FREM1: variants seen among roughly 807,000 people sequenced by gnomAD.
FREM1 encodes FRAS1 related extracellular matrix 1, also known as FRAS1-related extracellular matrix protein 1.
Under a neutral mutation model 210.1 loss-of-function variants are expected in FREM1, and 220 were observed. The observed-to-expected ratio is 1.05, with a 90% CI of 0.94 to 1.17. FREM1 has a LOEUF of 1.17. Among genes scored for constraint, FREM1 ranks in the 50% most tolerant of loss-of-function variants. FREM1 has a pLI of 0.00. For missense variants in FREM1, 3,454 were observed against 2,675.5 expected, an observed-to-expected ratio of 1.29 and a Z score of -6.42; for synonymous variants, 1,189 against 980.2, an observed-to-expected ratio of 1.21 and a Z score of -3.98.
intron 5 of FREM1, 64 bp downstream of exon 5, chr9:14,857,489 G>C (rs2131523787): frequency 7.4e-7 from 1 of 1,350,490 alleles, no homozygotes; most frequent in Admixed American, 1.7e-5. Context: ...GCATGAGTAA[G>C]CCTGTGTAAC....
At chr9:14,863,038 A>T (rs542016412) in intron 3 of FREM1, among the ~76,000 whole-genome samples, 1 of 152,096 alleles carries the variant, frequency 6.6e-6, no homozygotes, top group South Asian at 2.1e-4. Context: ...TTAACTCCAT[A>T]GTTGATTTTT....
chr9:14,869,705 TA>T (rs1274295825), intron 1 of FREM1, among the ~76,000 whole-genome samples: 1 of 152,216 alleles, frequency 6.6e-6, no homozygotes, highest in South Asian at 2.1e-4. Context: ...GCTACTTGGA[TA>T]AGAAAGAAGT....
chr9:14,789,714 A>G (rs909037651), intron 22 of FREM1, among the ~76,000 whole-genome samples: 5 of 152,202 alleles, frequency 3.3e-5, no homozygotes, highest in Non-Finnish European at 5.9e-5. Context: ...AATATCGTAT[A>G]TTGTTTTTAT....
At position 14,858,482 on chromosome 9, in the gene FREM1, G is replaced by T. The variant is rs184079270; in HGVS notation, c.631+701C>A. Among the ~76,000 whole-genome samples, 857 of 149,960 alleles carry T rather than the reference G, an allele frequency of 5.7e-3. 7 individuals carry two copies. Among genetic ancestry groups the T allele is most frequent in the African/African-American group, 0.02 (806 of 40,646 alleles). ...CCCAAAGTGCTGGGATTATAGGTGT[G>T]AGCCACCATGCCCAGCCACCCACTT... is the stretch of plus-strand genomic sequence containing the variant. On this transcript the variant is annotated intron_variant, in intron 4 of 36. Transcript: ENST00000380880.
chr9:14,902,962 ATTGCAGTG>A (rs1839044169), intron 1 of FREM1, among the ~76,000 whole-genome samples: 1 of 152,214 alleles, frequency 6.6e-6, no homozygotes, highest in Admixed American at 6.5e-5. Flanking sequence ...TAGGATATAA[ATTGCAGTG>A]TTAAACTCTT....
At chr9:14,897,101 T>C (rs1009266639) in intron 1 of FREM1, among the ~76,000 whole-genome samples, 1 of 152,162 alleles carries the variant, frequency 6.6e-6, no homozygotes, top group Non-Finnish European at 1.5e-5. Context: ...TTACAGTATA[T>C]GAAAAATCAT....
chr9:14,896,342 G>A (rs1328063006), intron 1 of FREM1, among the ~76,000 whole-genome samples: 2 of 152,194 alleles, frequency 1.3e-5, no homozygotes, highest in East Asian at 1.9e-4. Context: ...TCAGGAGTTC[G>A]AGACCAGCCT....
At chr9:14,810,412 G>A (rs1393162385) in intron 16 of FREM1, among the ~76,000 whole-genome samples, 1 of 152,130 alleles carries the variant, frequency 6.6e-6, no homozygotes, top group Non-Finnish European at 1.5e-5. Context: ...TATAGCCTAA[G>A]GACATGATTG....
chr9:14,746,066 C>T (rs990158887), intron 35 of FREM1, among the ~76,000 whole-genome samples: 1 of 152,078 alleles, frequency 6.6e-6, no homozygotes, highest in Non-Finnish European at 1.5e-5. Flanking sequence ...GAAAAAGAAA[C>T]ATGGCAATGG....
intron 2 of FREM1, 137 bp downstream of exon 2, chr9:14,868,607 A>C (rs1831981396): frequency 1.6e-6 from 1 of 641,022 alleles, no homozygotes; most frequent in Admixed American, 2.5e-5. Context: ...CCACCATTTC[A>C]AATGTGAACA....
intron 18 of FREM1, among the ~76,000 whole-genome samples, chr9:14,805,601 T>C (rs947606305): frequency 1.3e-5 from 2 of 152,168 alleles, no homozygotes; most frequent in African/African-American, 4.8e-5. Flanking sequence ...AGGTGCTGGA[T>C]TGAGTGGAAT....
intron 10 of FREM1, among the ~76,000 whole-genome samples, chr9:14,833,319 G>C (rs1190840317): frequency 6.6e-6 from 1 of 152,180 alleles, no homozygotes; most frequent in Non-Finnish European, 1.5e-5. Flanking sequence ...CCAGGCAAGA[G>C]GGAAGTATAT....
Position 14,857,579 on chromosome 9 carries a change from C to G in FREM1, c.802G>C (p.Asp268His). The G allele has an allele frequency of 6.2e-7, 1 of 1,613,704 alleles. No individual in the cohort carries two copies. The highest frequency in any genetic ancestry group is 8.5e-7 in the Non-Finnish European group (1 of 1,179,834). ...TTGTACACAATTTTGCTCCTGGTAT[C>G]TGTGAGGTCCAGTTGGATGGAGATA... ...DYISIQLDLT[D>H]TRSKIVYKSE... The change falls in exon 5 of 37, where the codon GAT becomes CAT. Residue 268 changes from aspartate to histidine, a missense_variant. Coordinates refer to ENST00000380880, the MANE Select transcript of FREM1 (RefSeq NM_001379081.2).
chr9:14,828,878 A>T (rs1458709034), intron 10 of FREM1, among the ~76,000 whole-genome samples: 3 of 152,234 alleles, frequency 2.0e-5, no homozygotes, highest in Non-Finnish European at 4.4e-5. Flanking sequence ...TGTAAACCAC[A>T]TGGAATTTGA....
chr9:14,784,496 T>C lies in FREM1; in HGVS notation c.4316A>G (p.Tyr1439Cys), dbSNP rs1850105907. 6.2e-7 allele frequency: 1 copy of C among 1,613,916 alleles called. No homozygotes were observed. The highest frequency in any genetic ancestry group is 8.5e-7 in the Non-Finnish European group (1 of 1,179,832). Residue 1439 changes from tyrosine to cysteine, a missense_variant, in exon 24 of 37, where the codon TAT becomes TGT. Coordinates refer to ENST00000380880, the MANE Select transcript of FREM1 (RefSeq NM_001379081.2). ...LLYVITSPPR[Y>C]GQIEYVHYPG... ...ATAGTGAACATATTCGATCTGGCCA[T>C]ATCGCGGAGGGGAGGTGATGACATA...
At chr9:14,803,833 A>AG in intron 19 of FREM1, among the ~76,000 whole-genome samples, 1 of 152,360 alleles carries the variant, frequency 6.6e-6, no homozygotes, top group East Asian at 1.9e-4. Context: ...TAAATATTAA[A>AG]GTGGCATCAT....
At chr9:14,761,170 T>G (rs546032287) in intron 27 of FREM1, among the ~76,000 whole-genome samples, 2 of 152,178 alleles carry the variant, frequency 1.3e-5, no homozygotes, top group Non-Finnish European at 2.9e-5. Context: ...GCCATTCATA[T>G]TAGGGAGGAA....
chr9:14,874,590 C>A (rs1833339622), intron 1 of FREM1, among the ~76,000 whole-genome samples: 1 of 151,346 alleles, frequency 6.6e-6, no homozygotes, highest in Non-Finnish European at 1.5e-5. Flanking sequence ...TTCCTGAATA[C>A]AGCACACTGA....
intron 21 of FREM1, among the ~76,000 whole-genome samples, chr9:14,793,934 A>G (rs1298220621): frequency 6.6e-6 from 1 of 152,230 alleles, no homozygotes; most frequent in African/African-American, 2.4e-5. Context: ...GAATCCCATT[A>G]TTCCAGAAAG....
Sources: gnomAD v4.1 joint callset for allele counts (sites outside exome capture counted in the v4.1 genomes callset) on GRCh38, gnomAD v4.1.1 for gene constraint, MANE v1.5 for transcripts, NCBI Gene and HGNC (gene_info 2026-07-23, HGNC 2026-07-21) for gene names.